Variants in VTI1A observed in about 807,000 individuals in gnomAD.
VTI1A encodes the protein vesicle transport through interaction with t-SNAREs 1A.
VTI1A carries 22 observed loss-of-function variants against 34.9 expected under a neutral mutation model. That is an observed-to-expected ratio of 0.63 (90% CI 0.45 to 0.90). The LOEUF (loss-of-function observed/expected upper bound fraction) is 0.90, where lower values mean the gene tolerates loss of function less well. VTI1A is among the 40% of genes least tolerant of loss of function. VTI1A has a pLI of 0.00. For missense variants in VTI1A, 268 were observed against 275.6 expected (o/e 0.97, Z 0.20); for synonymous variants, 87 against 97.3 (o/e 0.89, Z 0.62).
At chr10:112,827,222 C>T in the VTI1A span, 1 of 152,206 alleles carries the variant, frequency 6.6e-6, no homozygotes, top group East Asian at 1.9e-4. Context: ...GCTAATTAAT[C>T]GCTCTTCTCC....
intron 5 of VTI1A, among the ~76,000 whole-genome samples, chr10:112,640,123 C>G (rs1378204288): frequency 6.6e-6 from 1 of 152,014 alleles, no homozygotes; most frequent in Non-Finnish European, 1.5e-5. Context: ...ATGAGAATAT[C>G]TCTTAAATCA....
chr10:112,854,230 CA>C, the VTI1A span, among the ~76,000 whole-genome samples: 1 of 152,246 alleles, frequency 6.6e-6, no homozygotes, highest in African/African-American at 2.4e-5. Context: ...AGCCTTCTAA[CA>C]ATAATAAGTA....
chr10:112,540,268 A>AC (rs1850815629), intron 5 of VTI1A, among the ~76,000 whole-genome samples: 1 of 152,222 alleles, frequency 6.6e-6, no homozygotes, highest in South Asian at 2.1e-4. Context: ...GTGTGTGCTA[A>AC]AACATAACAT....
At chr10:112,614,861 G>A (rs1845458121) in intron 5 of VTI1A, among the ~76,000 whole-genome samples, 1 of 152,296 alleles carries the variant, frequency 6.6e-6, no homozygotes, top group South Asian at 2.1e-4. Context: ...CAGAAAGCAA[G>A]GTCAGTTTCA....
rs1554890227 is a variant in VTI1A at position 112,502,043 on chromosome 10, T to TTTG, written c.265-25043_265-25042insTGT. Among the ~76,000 whole-genome samples, 17 of 150,218 alleles carry TTTG rather than the reference T, an allele frequency of 1.1e-4. No individual in the cohort carries two copies. The East Asian group carries it at 3.1e-3, about 28-fold the overall frequency. On this transcript the variant is annotated intron_variant, in intron 3 of 7. Transcript: ENST00000393077. ...TCCTTACTTTTTTTTTTTTTTTTTT[T>TTTG]TGGAGACAGGGTCTTGTTCTATTAC...
chr10:112,705,281 A>G (rs1404098632), intron 7 of VTI1A, among the ~76,000 whole-genome samples: 1 of 152,054 alleles, frequency 6.6e-6, no homozygotes, highest in Non-Finnish European at 1.5e-5. Flanking sequence ...GCAGAAAGAG[A>G]TAAGCGCTAG....
chr10:112,507,464 C>T (rs1440913789), intron 3 of VTI1A, among the ~76,000 whole-genome samples: 3 of 152,184 alleles, frequency 2.0e-5, no homozygotes, highest in Admixed American at 1.3e-4. Context: ...TATTTTCTCT[C>T]AGCCCTTCTG....
chr10:112,639,182 C>T (rs574259700), intron 5 of VTI1A, among the ~76,000 whole-genome samples: 4 of 152,244 alleles, frequency 2.6e-5, no homozygotes, highest in Admixed American at 1.3e-4. Flanking sequence ...CTCACACAAA[C>T]TCTCCAAGTA....
At chr10:112,470,421 A>C (rs1195038253) in intron 3 of VTI1A, among the ~76,000 whole-genome samples, 1 of 152,158 alleles carries the variant, frequency 6.6e-6, no homozygotes, top group African/African-American at 2.4e-5. Flanking sequence ...AAGCTTTTAT[A>C]CTGTAGTGCA....
chr10:112,505,283 C>T (rs189164075), intron 3 of VTI1A, among the ~76,000 whole-genome samples: 1 of 152,192 alleles, frequency 6.6e-6, no homozygotes, highest in African/African-American at 2.4e-5. Flanking sequence ...GACTTTTCTT[C>T]CACTGTATAT....
chr10:112,677,883 T>G (rs1848086747), intron 7 of VTI1A: 1 of 152,164 alleles, frequency 6.6e-6, no homozygotes, highest in South Asian at 2.1e-4. Flanking sequence ...TTCTCTATTG[T>G]GAGATACTGC....
intron 7 of VTI1A, among the ~76,000 whole-genome samples, chr10:112,795,028 A>G (rs1741033799): frequency 6.6e-6 from 1 of 152,176 alleles, no homozygotes; most frequent in Non-Finnish European, 1.5e-5. Context: ...ACAAGAACCC[A>G]TGAGATAGGA....
intron 5 of VTI1A, among the ~76,000 whole-genome samples, chr10:112,650,642 AC>A (rs1564866562): frequency 6.6e-6 from 1 of 152,154 alleles, no homozygotes; most frequent in Non-Finnish European, 1.5e-5. Flanking sequence ...CACCAGCATC[AC>A]CACAAACACA....
At chr10:112,831,560 G>T in the VTI1A span, 1 of 152,094 alleles carries the variant, frequency 6.6e-6, no homozygotes, top group African/African-American at 2.4e-5. Flanking sequence ...GTCTTGTTTG[G>T]ATGCGTAGCA....
At chr10:112,790,974 C>G (rs1174183078) in intron 7 of VTI1A, among the ~76,000 whole-genome samples, 7 of 152,148 alleles carry the variant, frequency 4.6e-5, no homozygotes. Flanking sequence ...GACCCCTCCT[C>G]AAAGGGCATT....
chr10:112,474,049 A>T (rs930100143), intron 3 of VTI1A, among the ~76,000 whole-genome samples: 5 of 152,014 alleles, frequency 3.3e-5, no homozygotes, highest in African/African-American at 1.2e-4. Context: ...TCTTTTAGTT[A>T]TTTGGATATG....
intron 7 of VTI1A, among the ~76,000 whole-genome samples, chr10:112,681,339 C>G (rs575028290): frequency 3.3e-5 from 5 of 152,106 alleles, no homozygotes; most frequent in Admixed American, 6.5e-5. Flanking sequence ...CCTCAGCCCC[C>G]CAAAGTGCTG....
At position 112,762,703 on chromosome 10, in the gene VTI1A, C is replaced by T. The variant is rs562456977; in HGVS notation, c.561-52587C>T. On this transcript the variant is annotated intron_variant, in intron 7 of 7. Coordinates refer to ENST00000393077, the MANE Select transcript of VTI1A (RefSeq NM_145206.4). ...TTCCAATTTCTCATTAATATCTACC[C>T]GGAAGAGAGTTGTTGAATATGAGGC... Among the ~76,000 whole-genome samples the T allele has an allele frequency of 4.6e-5, 7 of 152,170 alleles. 1 individual carries two copies. The highest frequency in any genetic ancestry group is 2.6e-4 in the Admixed American group (4 of 15,290).
At chr10:112,683,372 T>C (rs764124929) in intron 7 of VTI1A, among the ~76,000 whole-genome samples, 1 of 152,188 alleles carries the variant, frequency 6.6e-6, no homozygotes, top group Non-Finnish European at 1.5e-5. Context: ...ACCTGAGTGG[T>C]CTTTGGTAGA....
Sources: allele counts gnomAD v4.1 joint callset (sites outside exome capture counted in the v4.1 genomes callset), GRCh38; gene constraint gnomAD v4.1.1; transcripts MANE v1.5; gene names NCBI Gene and HGNC (gene_info 2026-07-23, HGNC 2026-07-21).